UST: variants seen among roughly 807,000 people sequenced by gnomAD.
UST encodes the protein uronyl 2-sulfotransferase.
In UST, 21 loss-of-function variants were observed where a neutral mutation model predicts 45.6. The observed-to-expected ratio is 0.46, with a 90% CI of 0.33 to 0.66. UST has a LOEUF of 0.66. Among genes scored for constraint, UST ranks in the 30% least tolerant of loss-of-function variants. The pLI, the probability that UST is intolerant of heterozygous loss-of-function variation, is 0.02. For synonymous variants in UST, 215 were observed against 200.6 expected (o/e 1.07, Z -0.61); for missense variants, 463 against 512.4 (o/e 0.90, Z 0.93).
chr6:148,828,675 T>G (rs1316087290), intron 1 of UST, among the ~76,000 whole-genome samples: 1 of 152,198 alleles, frequency 6.6e-6, no homozygotes, highest in Non-Finnish European at 1.5e-5. Context: ...CATAAAACAC[T>G]TGGAGCAAAT....
intron 5 of UST, among the ~76,000 whole-genome samples, chr6:148,990,968 C>T (rs886759606): frequency 6.6e-6 from 1 of 152,170 alleles, no homozygotes; most frequent in African/African-American, 2.4e-5. Flanking sequence ...AGCCCTGGAA[C>T]AGGAGTGAAC....
At chr6:149,037,457 G>C (rs1267355641) in intron 7 of UST, among the ~76,000 whole-genome samples, 1 of 152,164 alleles carries the variant, frequency 6.6e-6, no homozygotes, top group Non-Finnish European at 1.5e-5. Context: ...AAGAAAACAC[G>C]GAGGCCCAGG....
At chr6:149,065,137 A>C (rs1470459538) in intron 7 of UST, among the ~76,000 whole-genome samples, 3 of 152,110 alleles carry the variant, frequency 2.0e-5, no homozygotes, top group African/African-American at 7.2e-5. Context: ...GTATGTGCTC[A>C]CCTAACGAGG....
At position 148,900,688 on chromosome 6, in the gene UST, A is replaced by G. The variant is rs118044839; in HGVS notation, c.291+13659A>G. Among the ~76,000 whole-genome samples the G allele has an allele frequency of 3.1e-3, 473 of 152,300 alleles. 20 individuals are homozygous for G. In the East Asian group the frequency reaches 0.076, roughly 24 times the overall value. ...TCACTCCTATTTCCTGCATTACCAT[A>G]TTGTATTTGTTCCTTTTTGCTGCTG... On this transcript the variant is annotated intron_variant, in intron 2 of 7. Coordinates refer to ENST00000367463, the MANE Select transcript of UST (RefSeq NM_005715.3).
chr6:148,896,197 C>T (rs1779125907), intron 2 of UST, among the ~76,000 whole-genome samples: 1 of 152,336 alleles, frequency 6.6e-6, no homozygotes, highest in East Asian at 1.9e-4. Context: ...TATACACAGT[C>T]TCCTTTGGTT....
intron 7 of UST, chr6:149,027,600 G>C (rs1216691156): frequency 6.6e-6 from 1 of 152,138 alleles, no homozygotes; most frequent in African/African-American, 2.4e-5. Context: ...TTAGTTGTGG[G>C]GGTGGTCTCC....
rs140883943 is a variant in UST, at chr6:148,773,077, C to T, written c.247+25400C>T. Among the ~76,000 whole-genome samples, 20 of 152,220 alleles carry T rather than the reference C, an allele frequency of 1.3e-4. No individual in the cohort carries two copies. In the East Asian group the frequency reaches 3.7e-3, roughly 28 times the overall value. Reference sequence around the variant, plus strand: ...TAAAAAAAATTATAGAAAATAGGATCTATGTTGAAAGAATTATAAAGTGCA... The same window carrying T: ...TAAAAAAAATTATAGAAAATAGGATTTATGTTGAAAGAATTATAAAGTGCA... On this transcript the variant is annotated intron_variant, in intron 1 of 7. Coordinates refer to ENST00000367463, the MANE Select transcript of UST (RefSeq NM_005715.3).
chr6:149,021,293 T>A (rs1775976677), intron 6 of UST, 31 bp from the exon 7 acceptor site: 3 of 1,558,702 alleles, frequency 1.9e-6, no homozygotes, highest in Non-Finnish European at 2.6e-6. Context: ...TATGAATGTC[T>A]GATTTTAAAT....
At chr6:148,893,208 A>G (rs1322386871) in intron 2 of UST, among the ~76,000 whole-genome samples, 1 of 152,208 alleles carries the variant, frequency 6.6e-6, no homozygotes, top group South Asian at 2.1e-4. Flanking sequence ...AGTATTCAAA[A>G]TTCCGTTGTA....
intron 7 of UST, among the ~76,000 whole-genome samples, chr6:149,046,298 G>C (rs890432981): frequency 9.2e-5 from 14 of 152,194 alleles, no homozygotes; most frequent in Non-Finnish European, 1.9e-4. Context: ...GTTATAAGTT[G>C]GTCCCAAAAC....
rs75475265 is a variant in UST, at chr6:148,792,678, A to G, written c.247+45001A>G. ...GAAATGTTATAGTTTAACTTTAGCC[A>G]TTTTCTGGGATCTATTTTAAAACTC... On this transcript the variant is annotated intron_variant, in intron 1 of 7. Transcript: ENST00000367463. Among the ~76,000 whole-genome samples the G allele has an allele frequency of 7.8e-3, 1,193 of 152,208 alleles. 15 individuals are homozygous for G. The highest frequency in any genetic ancestry group is 0.027 in the African/African-American group (1,131 of 41,536).
intron 1 of UST, among the ~76,000 whole-genome samples, chr6:148,832,392 T>TA (rs1777705608): frequency 6.6e-6 from 1 of 152,226 alleles, no homozygotes; most frequent in Admixed American, 6.5e-5. Flanking sequence ...TAATTTTTTT[T>TA]AATCCTTGAA....
intron 2 of UST, among the ~76,000 whole-genome samples, chr6:148,919,493 T>A (rs563698301): frequency 1.1e-3 from 173 of 152,130 alleles, no homozygotes; most frequent in Non-Finnish European, 2.1e-3. Flanking sequence ...CAACACCTGC[T>A]TCTATAGCCA....
intron 5 of UST, among the ~76,000 whole-genome samples, chr6:148,968,900 C>A (rs915650702): frequency 6.6e-6 from 1 of 152,206 alleles, no homozygotes; most frequent in Non-Finnish European, 1.5e-5. Flanking sequence ...AACACTGCCT[C>A]TGTGACACTG....
At chr6:148,815,107 A>C (rs1171903503) in intron 1 of UST, among the ~76,000 whole-genome samples, 1 of 152,270 alleles carries the variant, frequency 6.6e-6, no homozygotes, top group African/African-American at 2.4e-5. Flanking sequence ...AAGATGCACC[A>C]ATATGGAATG....
chr6:148,784,835 A>T (rs1776707370), intron 1 of UST, among the ~76,000 whole-genome samples: 1 of 152,264 alleles, frequency 6.6e-6, no homozygotes, highest in Non-Finnish European at 1.5e-5. Context: ...GAAATGTCTT[A>T]TCAGTGGACA....
In UST at chr6:148,783,866, G is replaced by A. The variant is rs748349218; in HGVS notation, c.247+36189G>A. 1.2e-4 allele frequency among the ~76,000 whole-genome samples: 19 copies of A among 152,088 alleles called. No individual in the cohort carries two copies. The South Asian group carries it at 1.5e-3, about 12-fold the overall frequency. ...AGGGGGTTGGGGACAGAAAAATGTT[G>A]CACTATAGATCTCATCCAACCCCGC... On this transcript the variant is annotated intron_variant, in intron 1 of 7. Transcript: ENST00000367463.
chr6:148,815,959 G>T (rs990565928), intron 1 of UST, among the ~76,000 whole-genome samples: 1 of 151,994 alleles, frequency 6.6e-6, no homozygotes, highest in Non-Finnish European at 1.5e-5. Context: ...TTATCTTCCT[G>T]TCTGGGACAT....
chr6:148,824,482 A>G (rs1246427913), intron 1 of UST, among the ~76,000 whole-genome samples: 1 of 152,144 alleles, frequency 6.6e-6, no homozygotes, highest in Non-Finnish European at 1.5e-5. Context: ...CTGCTATTGG[A>G]GAGCTTTGGA....
Sources: allele counts gnomAD v4.1 joint callset (sites outside exome capture counted in the v4.1 genomes callset), GRCh38; gene constraint gnomAD v4.1.1; transcripts MANE v1.5; gene names NCBI Gene and HGNC (gene_info 2026-07-23, HGNC 2026-07-21).